Variants in PAFAH1B2 observed in about 807,000 individuals in gnomAD.
The protein encoded by PAFAH1B2 is platelet-activating factor acetylhydrolase IB subunit alpha2.
Under a neutral mutation model 28.0 loss-of-function variants are expected in PAFAH1B2, and 8 were observed. The ratio of observed to expected loss-of-function variants is 0.29; its 90% CI spans 0.17 to 0.52. PAFAH1B2 has a LOEUF of 0.52. Among genes scored for constraint, PAFAH1B2 ranks in the 20% least tolerant of loss-of-function variants. The pLI, the probability that PAFAH1B2 is intolerant of heterozygous loss-of-function variation, is 0.97. For missense variants in PAFAH1B2, 190 were observed against 282.6 expected, an observed-to-expected ratio of 0.67 and a Z score of 2.35; for synonymous variants, 104 against 103.2, an observed-to-expected ratio of 1.01 and a Z score of -0.05.
chr11:117,165,834 A>ATTTTTTTTTTT (rs538814703), intron 5 of PAFAH1B2, among the ~76,000 whole-genome samples: 1 of 139,954 alleles, frequency 7.1e-6, no homozygotes. Context: ...GTCATGTAGG[A>ATTTTTTTTTTT]TTTTTTTTTT....
chr11:117,155,914 T>C (rs192565685), intron 2 of PAFAH1B2, among the ~76,000 whole-genome samples: 51 of 152,188 alleles, frequency 3.4e-4, no homozygotes, highest in African/African-American at 1.2e-3. Flanking sequence ...GAGTATATTA[T>C]GTGTAGTGGC....
At chr11:117,174,473 C>A (rs932253762), downstream of PAFAH1B2, among the ~76,000 whole-genome samples, 1 of 141,826 alleles carries the variant, frequency 7.1e-6, no homozygotes, top group Non-Finnish European at 1.6e-5. Context: ...CGTGAGTCAC[C>A]GCCCCTGGCC....
chr11:117,160,875 TTTGTTGAG>T (rs1390580637), intron 3 of PAFAH1B2, among the ~76,000 whole-genome samples: 1 of 151,900 alleles, frequency 6.6e-6, no homozygotes, highest in Non-Finnish European at 1.5e-5. Flanking sequence ...GAAAGGAGGG[TTTGTTGAG>T]TTGACAGCTT....
intron 5 of PAFAH1B2, 91 bp from the exon 6 acceptor site, chr11:117,167,330 T>C (rs1956535191): frequency 1.5e-6 from 2 of 1,298,714 alleles, no homozygotes; most frequent in South Asian, 1.8e-5. Flanking sequence ...AAGTGCCAAA[T>C]GGAGATGTTC....
At chr11:117,149,266 A>G (rs1173621154) in intron 1 of PAFAH1B2, among the ~76,000 whole-genome samples, 1 of 150,734 alleles carries the variant, frequency 6.6e-6, no homozygotes, top group African/African-American at 2.4e-5. Flanking sequence ...ATTTTTTTGT[A>G]GAGACGGGGT....
chr11:117,151,156 TAGC>T (rs1450137617), intron 1 of PAFAH1B2, among the ~76,000 whole-genome samples: 4 of 152,094 alleles, frequency 2.6e-5, no homozygotes, highest in African/African-American at 9.7e-5. Flanking sequence ...TATAGAAGAT[TAGC>T]AGTTCTAATT....
At chr11:117,161,326 G>A (rs1591745824) in intron 4 of PAFAH1B2, 65 bp downstream of exon 4, 2 of 1,042,408 alleles carry the variant, frequency 1.9e-6, no homozygotes, top group Non-Finnish European at 2.8e-6. Context: ...TAAATTGTCT[G>A]AAACTGTAAA....
intron 5 of PAFAH1B2, among the ~76,000 whole-genome samples, chr11:117,166,090 G>T (rs1165302816): frequency 6.6e-6 from 1 of 152,124 alleles, no homozygotes; most frequent in Non-Finnish European, 1.5e-5. Context: ...TGATCTGCCC[G>T]CCTCATCCTC....
In PAFAH1B2 at chr11:117,148,809, T is replaced by C. The variant is rs185924143; in HGVS notation, c.-7-3632T>C. On this transcript the variant is annotated intron_variant, in intron 1 of 5. Coordinates refer to ENST00000527958, the MANE Select transcript of PAFAH1B2 (RefSeq NM_002572.4). The stretch of plus-strand genomic sequence containing the variant: ...ATATAGATCATTGGTCTTGAAAGAG[T>C]GTGTGTATGCACCTCTGGGGATGCA... 1.0e-3 allele frequency among the ~76,000 whole-genome samples: 154 copies of C among 151,934 alleles called. 3 individuals carry two copies. In the East Asian group the frequency reaches 0.028, roughly 28 times the overall value.
At chr11:117,171,649 A>G (rs960265935), downstream of PAFAH1B2, 8 of 1,453,526 alleles carry the variant, frequency 5.5e-6, no homozygotes, top group African/African-American at 5.6e-5. Flanking sequence ...CAAATACTCT[A>G]TCTCAGAGAT....
chr11:117,173,081 T>C (rs1956707823), downstream of PAFAH1B2, among the ~76,000 whole-genome samples: 1 of 152,214 alleles, frequency 6.6e-6, no homozygotes, highest in Non-Finnish European at 1.5e-5. Context: ...ATCGGTGATC[T>C]TTGGAGGCAG....
At chr11:117,154,589 A>G (rs1956221995) in intron 2 of PAFAH1B2, among the ~76,000 whole-genome samples, 2 of 151,802 alleles carry the variant, frequency 1.3e-5, no homozygotes, top group African/African-American at 4.8e-5. Context: ...GGTGCATGCC[A>G]CCATGCCGGG....
intron 1 of PAFAH1B2, among the ~76,000 whole-genome samples, chr11:117,145,995 C>T (rs868671626): frequency 1.2e-4 from 19 of 152,188 alleles, no homozygotes; most frequent in African/African-American, 4.6e-4. Context: ...TACTCCTCGT[C>T]TTCCCAGAGA....
At chr11:117,149,429 C>CTTTTTTTTTTTTTTTTT (rs1565260556) in intron 1 of PAFAH1B2, among the ~76,000 whole-genome samples, 6 of 33,532 alleles carry the variant, frequency 1.8e-4, no homozygotes, top group African/African-American at 4.2e-4. Flanking sequence ...GTTTTCTAAT[C>CTTTTTTTTTTTTTTTTT]GTTTTTTTTT....
intron 2 of PAFAH1B2, among the ~76,000 whole-genome samples, chr11:117,157,039 GAAAA>G (rs918067395): frequency 2.9e-5 from 4 of 138,058 alleles, no homozygotes; most frequent in Non-Finnish European, 6.1e-5. Context: ...TCTCAAAAAA[GAAAA>G]AAAAAAAGAA....
At chr11:117,175,994 AGCTGACT>A (rs1232573088), downstream of PAFAH1B2, 3 of 1,366,074 alleles carry the variant, frequency 2.2e-6, no homozygotes, top group Non-Finnish European at 3.0e-6. Flanking sequence ...CAAACTTGGC[AGCTGACT>A]GCATGGAGGG....
intron 2 of PAFAH1B2, among the ~76,000 whole-genome samples, chr11:117,158,351 T>C (rs1037651617): frequency 1.3e-5 from 2 of 151,982 alleles, no homozygotes; most frequent in Non-Finnish European, 2.9e-5. Flanking sequence ...CCAAAATCTA[T>C]TTTAGAGAGT....
rs543827099 is a variant in PAFAH1B2 at position 117,159,863 on chromosome 11, G to C, written c.82-71G>C. On this transcript the variant is annotated intron_variant, in intron 2 of 5. Coordinates refer to ENST00000527958, the MANE Select transcript of PAFAH1B2 (RefSeq NM_002572.4). ...GTCCTGGCCTCCCAAAATGTTGAGA[G>C]TTCAAGCATGGGCCACCACACCCAG... 6.5e-5 allele frequency: 70 copies of C among 1,082,520 alleles called. No individual in the cohort carries two copies. The South Asian group carries it at 8.7e-4, about 13-fold the overall frequency. 67.1% of individuals were successfully genotyped at this position (1,082,520 alleles called of 1,614,324 possible).
intron 1 of PAFAH1B2, among the ~76,000 whole-genome samples, chr11:117,149,440 T>TTTTTTTTTTTTTTTTTTTTTG (rs1490691329): frequency 2.3e-5 from 3 of 132,074 alleles, no homozygotes; most frequent in African/African-American, 5.6e-5. Context: ...GTTTTTTTTT[T>TTTTTTTTTTTTTTTTTTTTTG]TTTTGAGATG....
Sources: allele counts gnomAD v4.1 joint callset (sites outside exome capture counted in the v4.1 genomes callset), GRCh38; gene constraint gnomAD v4.1.1; transcripts MANE v1.5; gene names NCBI Gene and HGNC (gene_info 2026-07-23, HGNC 2026-07-21).